The following SCLT1 variants were observed in gnomAD, a reference collection of about 807,000 sequenced individuals.
SCLT1 encodes the protein sodium channel-associated protein 1.
In SCLT1, 78 loss-of-function variants were observed where a neutral mutation model predicts 112.8. The ratio of observed to expected loss-of-function variants is 0.69; its 90% CI spans 0.58 to 0.83. The LOEUF (loss-of-function observed/expected upper bound fraction) is 0.83, where lower values mean the gene tolerates loss of function less well. Ranked by LOEUF, SCLT1 falls within the 40% of genes least tolerant of loss-of-function variation. The probability of loss-of-function intolerance (pLI) is 0.00; values close to 1 mark genes in which losing one functional copy is unlikely to be tolerated. For missense variants in SCLT1, 747 were observed against 770.4 expected (o/e 0.97, Z 0.36); for synonymous variants, 257 against 254.7 (o/e 1.01, Z -0.09).
Position 128,970,370 on chromosome 4 carries a change from G to A in SCLT1, c.777+8C>T, listed in dbSNP as rs1740587460. The stretch of plus-strand genomic sequence containing the variant: ...TAGGTACCCATTTGTCTTAGAAATA[G>A]AAAATACCTTCTTTTTCATCTGTCC... On this transcript the variant is annotated splice_region_variant and intron_variant, in intron 10 of 20. Transcript: ENST00000281142. 1 of 1,512,600 alleles carries A rather than the reference G, an allele frequency of 6.6e-7. No individual in the cohort carries two copies. The highest frequency in any genetic ancestry group is 1.4e-5 in the African/African-American group (1 of 73,072). The allele number at this position is 1,512,600 out of a possible 1,614,324, so 93.7% of individuals were successfully genotyped here.
downstream of SCLT1, among the ~76,000 whole-genome samples, chr4:128,881,474 G>C (rs1732639521): frequency 6.6e-6 from 1 of 152,078 alleles, no homozygotes; most frequent in African/African-American, 2.4e-5. Context: ...CCAATGTTTG[G>C]GGTGGTTATA....
chr4:129,082,275 T>C, intron 2 of SCLT1, 31 bp downstream of exon 2: 1 of 1,108,014 alleles, frequency 9.0e-7, no homozygotes, highest in Admixed American at 2.3e-5. Flanking sequence ...CACATGAGAA[T>C]ATTCCCAAGT....
At chr4:129,043,882 G>A (rs185863511) in intron 3 of SCLT1, 111 bp downstream of exon 3, 4 of 641,788 alleles carry the variant, frequency 6.2e-6, no homozygotes, top group African/African-American at 5.8e-5. Flanking sequence ...CAAGAACAAA[G>A]CATTTAAGTT....
At chr4:129,085,472 A>C (rs1368441570) in intron 1 of SCLT1, among the ~76,000 whole-genome samples, 1 of 152,206 alleles carries the variant, frequency 6.6e-6, no homozygotes, top group East Asian at 1.9e-4. Context: ...TCAAACACCT[A>C]AAGACAGAAA....
intron 5 of SCLT1, chr4:128,873,477 G>A (rs1381145635): frequency 1.3e-5 from 2 of 152,482 alleles, no homozygotes; most frequent in Non-Finnish European, 2.9e-5. Context: ...CTTTCTAATT[G>A]CAAATGGCAA....
chr4:128,885,980 T>A (rs1185577609), intron 20 of SCLT1, among the ~76,000 whole-genome samples: 1 of 151,862 alleles, frequency 6.6e-6, no homozygotes, highest in Non-Finnish European at 1.5e-5. Flanking sequence ...AACTTAGGTA[T>A]CCTTTATATG....
At chr4:128,972,557 C>T (rs1740783172) in intron 9 of SCLT1, among the ~76,000 whole-genome samples, 1 of 152,122 alleles carries the variant, frequency 6.6e-6, no homozygotes, top group South Asian at 2.1e-4. Context: ...GACCATGCTG[C>T]ACGTCTCAAA....
intron 18 of SCLT1, among the ~76,000 whole-genome samples, chr4:128,897,514 T>C (rs1416107205): frequency 2.1e-5 from 3 of 146,262 alleles, no homozygotes; most frequent in East Asian, 2.0e-4. Flanking sequence ...AAAGAGCTCC[T>C]GAAGGAAGCA....
At chr4:128,959,822 G>A (rs1560894794) in intron 11 of SCLT1, 45 bp from the exon 12 acceptor site, 2 of 1,471,682 alleles carry the variant, frequency 1.4e-6, no homozygotes, top group East Asian at 4.5e-5. Context: ...TTTTTTAAAG[G>A]GAAGGAGGGA....
chr4:128,921,460 T>C (rs1055537838), intron 18 of SCLT1, among the ~76,000 whole-genome samples: 4 of 151,942 alleles, frequency 2.6e-5, no homozygotes, highest in Admixed American at 6.6e-5. Context: ...ATAAGACACA[T>C]AGACCAATGG....
intron 17 of SCLT1, among the ~76,000 whole-genome samples, chr4:128,939,724 G>C (rs1737519490): frequency 6.6e-6 from 1 of 152,108 alleles, no homozygotes; most frequent in South Asian, 2.1e-4. Context: ...TCAATGCAGT[G>C]GCATTAAGAT....
chr4:128,929,225 T>A (rs1269821684), intron 18 of SCLT1, among the ~76,000 whole-genome samples: 1 of 152,120 alleles, frequency 6.6e-6, no homozygotes, highest in Admixed American at 6.5e-5. Flanking sequence ...TAAACAATGA[T>A]GAGAAAATGA....
intron 18 of SCLT1, 54 bp downstream of exon 18, chr4:128,936,601 T>A: frequency 9.1e-7 from 1 of 1,097,944 alleles, no homozygotes; most frequent in South Asian, 1.6e-5. Context: ...CATTAAACTA[T>A]AGGTTAAAGA....
intron 12 of SCLT1, among the ~76,000 whole-genome samples, chr4:128,958,361 G>A (rs1475969852): frequency 6.6e-6 from 1 of 152,118 alleles, no homozygotes; most frequent in Non-Finnish European, 1.5e-5. Context: ...TTGTGTGATC[G>A]GCTGGGAGAA....
chr4:128,914,209 C>CA (rs970114514), intron 18 of SCLT1, among the ~76,000 whole-genome samples: 5 of 151,850 alleles, frequency 3.3e-5, no homozygotes, highest in East Asian at 1.9e-4. Context: ...ACTAAAAATA[C>CA]AAAAAAATTA....
chr4:128,933,224 C>G (rs1736914763), intron 18 of SCLT1, among the ~76,000 whole-genome samples: 1 of 152,062 alleles, frequency 6.6e-6, no homozygotes, highest in Non-Finnish European at 1.5e-5. Context: ...TGATAACATA[C>G]AGTGAACAAA....
intron 20 of SCLT1, among the ~76,000 whole-genome samples, chr4:128,886,182 C>G (rs1460367942): frequency 1.3e-5 from 2 of 152,072 alleles, no homozygotes; most frequent in Non-Finnish European, 1.5e-5. Context: ...CATATGTTAA[C>G]AGAACACAGT....
At chr4:128,937,761 C>T (rs1187066858) in intron 17 of SCLT1, among the ~76,000 whole-genome samples, 1 of 152,130 alleles carries the variant, frequency 6.6e-6, no homozygotes, top group Non-Finnish European at 1.5e-5. Context: ...GAATTTATGT[C>T]ATTATAGTAA....
intron 9 of SCLT1, among the ~76,000 whole-genome samples, chr4:128,974,446 G>T (rs1740970269): frequency 1.3e-5 from 2 of 151,666 alleles, no homozygotes; most frequent in African/African-American, 4.8e-5. Context: ...ACTCCTGCCT[G>T]GAGCTCTCCT....
Sources: allele counts gnomAD v4.1 joint callset (sites outside exome capture counted in the v4.1 genomes callset), GRCh38; gene constraint gnomAD v4.1.1; transcripts MANE v1.5; gene names NCBI Gene and HGNC (gene_info 2026-07-23, HGNC 2026-07-21).